TMEM131L: variants seen among roughly 807,000 people sequenced by gnomAD.
TMEM131L encodes the protein transmembrane 131 like.
In TMEM131L, 54 loss-of-function variants were observed where a neutral mutation model predicts 192.2. The ratio of observed to expected loss-of-function variants is 0.28; its 90% CI spans 0.23 to 0.35. The LOEUF (loss-of-function observed/expected upper bound fraction) is 0.35. Ranked by LOEUF, TMEM131L falls within the 10% of genes least tolerant of loss-of-function variation. The probability of loss-of-function intolerance (pLI) is 1.00; values close to 1 mark genes in which losing one functional copy is unlikely to be tolerated. For synonymous variants in TMEM131L, 701 were observed against 704.9 expected (o/e 0.99, Z 0.09); for missense variants, 1,888 against 1,972.9 (o/e 0.96, Z 0.82).
chr4:153,556,323 C>G (rs1164517955), intron 5 of TMEM131L, among the ~76,000 whole-genome samples: 3 of 152,124 alleles, frequency 2.0e-5, no homozygotes, highest in Non-Finnish European at 4.4e-5. Context: ...GTTAGGTCTC[C>G]TTTCTAAATC....
chr4:153,478,850 T>C (rs2149781913), intron 3 of TMEM131L, among the ~76,000 whole-genome samples: 1 of 152,258 alleles, frequency 6.6e-6, no homozygotes, highest in South Asian at 2.1e-4. Flanking sequence ...TTAATTTTAA[T>C]AACTACCCCA....
At chr4:153,513,726 G>A (rs1466346005) in intron 3 of TMEM131L, among the ~76,000 whole-genome samples, 1 of 152,144 alleles carries the variant, frequency 6.6e-6, no homozygotes, top group African/African-American at 2.4e-5. Flanking sequence ...CTTCAAAAGA[G>A]GATGGTTTAA....
At chr4:153,606,874 T>G (rs1732273614) in intron 25 of TMEM131L, among the ~76,000 whole-genome samples, 1 of 152,216 alleles carries the variant, frequency 6.6e-6, no homozygotes, top group Non-Finnish European at 1.5e-5. Flanking sequence ...GAGGTGCTAA[T>G]TCACAGTCCT....
At chr4:153,623,584 T>C (rs774061307) in intron 29 of TMEM131L, among the ~76,000 whole-genome samples, 6 of 152,258 alleles carry the variant, frequency 3.9e-5, no homozygotes, top group Non-Finnish European at 5.9e-5. Context: ...GGCTATCTTA[T>C]GTAAGTGGAA....
At chr4:153,498,773 GTAGT>G (rs1733375880) in intron 3 of TMEM131L, among the ~76,000 whole-genome samples, 1 of 152,158 alleles carries the variant, frequency 6.6e-6, no homozygotes, top group Non-Finnish European at 1.5e-5. Context: ...CTGGAAACTA[GTAGT>G]TAGGAGCTGG....
At chr4:153,621,944 T>G in intron 28 of TMEM131L, 95 bp downstream of exon 28, 1 of 1,215,478 alleles carries the variant, frequency 8.2e-7, no homozygotes, top group South Asian at 1.4e-5. Flanking sequence ...CTCAGTGATT[T>G]TATCTCTACA....
chr4:153,523,079 T>C (rs913031734), intron 3 of TMEM131L, among the ~76,000 whole-genome samples: 8 of 152,212 alleles, frequency 5.3e-5, no homozygotes, highest in African/African-American at 1.9e-4. Flanking sequence ...ATCAACGTAC[T>C]GTGTTTCTTA....
At chr4:153,562,079 C>T (rs1728881824) in intron 7 of TMEM131L, among the ~76,000 whole-genome samples, 1 of 150,786 alleles carries the variant, frequency 6.6e-6, no homozygotes, top group Admixed American at 6.6e-5. Flanking sequence ...GCTCTATTGC[C>T]TAGGCTAGAG....
At chr4:153,498,373 T>G (rs778985250) in intron 3 of TMEM131L, among the ~76,000 whole-genome samples, 2 of 152,222 alleles carry the variant, frequency 1.3e-5, no homozygotes, top group African/African-American at 4.8e-5. Context: ...TGAGGCCAGC[T>G]TCCTTTGCTC....
intron 7 of TMEM131L, among the ~76,000 whole-genome samples, chr4:153,560,423 T>C (rs543568082): frequency 5.3e-5 from 8 of 152,366 alleles, no homozygotes; most frequent in Non-Finnish European, 1.0e-4. Flanking sequence ...CTTCAGAAGA[T>C]ACCCAAACTC....
chr4:153,467,002 G>T (rs1001925194), intron 1 of TMEM131L, among the ~76,000 whole-genome samples: 2 of 152,046 alleles, frequency 1.3e-5, no homozygotes, highest in African/African-American at 4.8e-5. Flanking sequence ...CTGCCTGCAC[G>T]CTGTCGCCTT....
In TMEM131L at chr4:153,578,229, G is replaced by A. The variant is rs558033446; in HGVS notation, c.661-2597G>A. On this transcript the variant is annotated intron_variant, in intron 7 of 34. Transcript: ENST00000409959. The stretch of plus-strand genomic sequence containing the variant: ...TTCAGAGCTGGGCATGGTAGTGCAC[G>A]CTTGTAGTCCCAGCTACTCAGGAGG... Among the ~76,000 whole-genome samples the A allele has an allele frequency of 7.4e-4, 112 of 152,284 alleles. No individual in the cohort carries two copies. The South Asian group carries it at 0.02, about 27-fold the overall frequency.
intron 7 of TMEM131L, among the ~76,000 whole-genome samples, chr4:153,566,162 G>T (rs963028146): frequency 6.6e-6 from 1 of 150,518 alleles, no homozygotes; most frequent in Admixed American, 6.6e-5. Flanking sequence ...TGAGACAAGA[G>T]TCTCACTCTG....
At chr4:153,635,943 T>C (rs547436873) in intron 34 of TMEM131L, among the ~76,000 whole-genome samples, 23 of 152,178 alleles carry the variant, frequency 1.5e-4, no homozygotes, top group African/African-American at 5.1e-4. Flanking sequence ...CCCAGGAAGG[T>C]CAGTGGGTGG....
chr4:153,635,366 T>C (rs1312878209), intron 33 of TMEM131L, 66 bp from the exon 34 acceptor site: 2 of 1,524,632 alleles, frequency 1.3e-6, no homozygotes, highest in East Asian at 2.3e-5. Context: ...CTTTTTTGCC[T>C]GAGAGTGAGA....
Position 153,621,749 on chromosome 4 carries a change from C to T in TMEM131L, c.3759C>T (p.Asp1253=). Residue 1253 remains aspartate, a synonymous_variant, in exon 28 of 35, where the codon GAC becomes GAT. Transcript: ENST00000409959. ...TTGAGAGGTCTGAGCTGAGCAGTGA[C>T]ATCAATGTAAGAAGCTGGTGTATAC... The part of the protein sequence containing the change: ...SDFERSELSS[D]INVRSWCIQE... 6.2e-7 allele frequency: 1 copy of T among 1,614,090 alleles called. No individual in the cohort carries two copies. Among genetic ancestry groups the T allele is most frequent in the Middle Eastern group, 1.6e-4 (1 of 6,062 alleles).
At chr4:153,494,308 C>T (rs1202338982) in intron 3 of TMEM131L, among the ~76,000 whole-genome samples, 2 of 152,096 alleles carry the variant, frequency 1.3e-5, no homozygotes. Flanking sequence ...ACAATTATAT[C>T]CATCTGTTTA....
In TMEM131L at chr4:153,550,140, CAGTA is replaced by C. The variant is rs1737497321; in HGVS notation, c.308+4_308+7del. The C allele has an allele frequency of 7.8e-7, 1 of 1,287,368 alleles. No individual in the cohort carries two copies. Among genetic ancestry groups the C allele is most frequent in the Non-Finnish European group, 1.1e-6 (1 of 939,448 alleles). 79.7% of individuals were successfully genotyped at this position (1,287,368 alleles called of 1,614,324 possible). On this transcript the variant is annotated splice_donor_variant and splice_donor_region_variant and coding_sequence_variant and intron_variant, in exon 4 of 35. Coordinates refer to ENST00000409959, the MANE Select transcript of TMEM131L (RefSeq NM_001131007.2). LOFTEE classifies it high-confidence loss of function. ...GCCATCAGTTTTAGATTTTGGAATA[CAGTA>C]AGTATCTTTTCTTTATAATTAAAAC...
At chr4:153,531,801 T>C (rs1234072193) in intron 3 of TMEM131L, among the ~76,000 whole-genome samples, 2 of 152,210 alleles carry the variant, frequency 1.3e-5, no homozygotes, top group African/African-American at 2.4e-5. Flanking sequence ...AATTTTGTAC[T>C]GTTAGAGTTT....
Sources: gnomAD v4.1 joint callset for allele counts (sites outside exome capture counted in the v4.1 genomes callset) on GRCh38, gnomAD v4.1.1 for gene constraint, MANE v1.5 for transcripts, NCBI Gene and HGNC (gene_info 2026-07-23, HGNC 2026-07-21) for gene names.